Variants in LSAMP observed in about 807,000 individuals in gnomAD.
LSAMP encodes limbic system associated membrane protein.
Under a neutral mutation model 38.6 loss-of-function variants are expected in LSAMP, and 7 were observed. That is an observed-to-expected ratio of 0.18 (90% CI 0.10 to 0.34). The LOEUF (loss-of-function observed/expected upper bound fraction) is 0.34, where lower values mean the gene tolerates loss of function less well. Ranked by LOEUF, LSAMP falls within the 10% of genes least tolerant of loss-of-function variation. The pLI, the probability that LSAMP is intolerant of heterozygous loss-of-function variation, is 1.00. For missense variants in LSAMP, 313 were observed against 420.0 expected, an observed-to-expected ratio of 0.75 and a Z score of 2.23; for synonymous variants, 154 against 166.8, an observed-to-expected ratio of 0.92 and a Z score of 0.59.
At chr3:116,192,791 G>A (rs1198964116) in intron 1 of LSAMP, among the ~76,000 whole-genome samples, 1 of 152,140 alleles carries the variant, frequency 6.6e-6, no homozygotes, top group Non-Finnish European at 1.5e-5. Context: ...AAGCAATTAG[G>A]TTATTGGAAT....
chr3:116,309,829 A>G (rs968547045), intron 1 of LSAMP, among the ~76,000 whole-genome samples: 5 of 152,188 alleles, frequency 3.3e-5, no homozygotes, highest in East Asian at 1.9e-4. Flanking sequence ...GGCCAAAGAC[A>G]TGGACTAGTG....
At chr3:116,258,411 T>G (rs1054600040) in intron 1 of LSAMP, among the ~76,000 whole-genome samples, 12 of 152,160 alleles carry the variant, frequency 7.9e-5, no homozygotes, top group African/African-American at 2.9e-4. Flanking sequence ...AGTTAATAAT[T>G]TCCTCCATTT....
chr3:116,329,503 TTTTG>T (rs796974478), intron 1 of LSAMP, among the ~76,000 whole-genome samples: 24 of 152,252 alleles, frequency 1.6e-4, no homozygotes, highest in African/African-American at 5.3e-4. Flanking sequence ...AACTTTGGAC[TTTTG>T]TTTGTTTGCT....
rs78853959 is a variant in LSAMP, at chr3:116,210,356, C to T, written c.156-123800G>A. Among the ~76,000 whole-genome samples the T allele has an allele frequency of 2.5e-3, 386 of 152,266 alleles. 1 individual carries two copies. The highest frequency in any genetic ancestry group is 8.8e-3 in the African/African-American group (364 of 41,556). On this transcript the variant is annotated intron_variant, in intron 1 of 6. Transcript: ENST00000490035. ...GGCACCATCTAATCAACTGCCAGTG[C>T]GGCTTGAATAAAGCAGTCAGGAGAA... is the stretch of plus-strand genomic sequence containing the variant.
intron 3 of LSAMP, among the ~76,000 whole-genome samples, chr3:115,854,239 C>T (rs2107525315): frequency 6.8e-6 from 1 of 147,012 alleles, no homozygotes; most frequent in Admixed American, 6.9e-5. Context: ...TAGTCTATAG[C>T]ATATAGTTAA....
At chr3:115,942,900 G>T (rs1038568932) in intron 3 of LSAMP, among the ~76,000 whole-genome samples, 3 of 152,146 alleles carry the variant, frequency 2.0e-5, no homozygotes, top group Non-Finnish European at 4.4e-5. Context: ...ACATTCAATT[G>T]TCAACATTAG....
At chr3:116,276,684 GAAAA>G (rs200897808) in intron 1 of LSAMP, among the ~76,000 whole-genome samples, 1 of 106,816 alleles carries the variant, frequency 9.4e-6, no homozygotes, top group Non-Finnish European at 2.1e-5. Flanking sequence ...TAAAAAAAAA[GAAAA>G]AAAAAAAAAG....
rs568088758 is a variant in LSAMP, at chr3:116,291,679, C to T, written c.155+153198G>A. On this transcript the variant is annotated intron_variant, in intron 1 of 6. Coordinates refer to ENST00000490035, the MANE Select transcript of LSAMP (RefSeq NM_002338.5). ...TGAGCTTTGATGGTTTCTTTCTTTC[C>T]TCCCATATGGCCCAGGTGTTTCTGA... is the stretch of plus-strand genomic sequence containing the variant. 4.6e-5 allele frequency among the ~76,000 whole-genome samples: 7 copies of T among 152,266 alleles called. No homozygotes were observed. The South Asian group carries it at 1.5e-3, about 32-fold the overall frequency.
chr3:116,023,685 C>T (rs1000844801), intron 2 of LSAMP, among the ~76,000 whole-genome samples: 12 of 151,522 alleles, frequency 7.9e-5, no homozygotes, highest in South Asian at 4.2e-4. Context: ...CACCACACTA[C>T]AATCAGATAT....
At chr3:116,366,155 G>C (rs1415414462) in intron 1 of LSAMP, among the ~76,000 whole-genome samples, 1 of 150,502 alleles carries the variant, frequency 6.6e-6, no homozygotes, top group African/African-American at 2.4e-5. Context: ...AGTCTATAAG[G>C]AACTTAAACA....
At chr3:116,035,445 A>C (rs1303597467) in intron 2 of LSAMP, among the ~76,000 whole-genome samples, 2 of 152,222 alleles carry the variant, frequency 1.3e-5, no homozygotes, top group East Asian at 3.9e-4. Context: ...CTAATATGAT[A>C]ATAATTTGTC....
intron 1 of LSAMP, among the ~76,000 whole-genome samples, chr3:116,187,971 G>T (rs747971953): frequency 6.6e-6 from 1 of 151,892 alleles, no homozygotes; most frequent in Non-Finnish European, 1.5e-5. Context: ...ATAGGCCCCA[G>T]GATGTTTTGT....
chr3:116,095,163 C>T (rs901892627), intron 1 of LSAMP, among the ~76,000 whole-genome samples: 1 of 152,170 alleles, frequency 6.6e-6, no homozygotes, highest in African/African-American at 2.4e-5. Flanking sequence ...AAATGCTCAA[C>T]TTTTATTAGT....
intron 1 of LSAMP, among the ~76,000 whole-genome samples, chr3:116,119,634 C>T (rs140730842): frequency 8.0e-4 from 120 of 150,828 alleles, no homozygotes; most frequent in African/African-American, 2.8e-3. Context: ...GTTACTAAGG[C>T]TAAAGAGATA....
intron 6 of LSAMP, among the ~76,000 whole-genome samples, chr3:115,820,013 A>C (rs1577033631): frequency 6.8e-6 from 1 of 146,834 alleles, no homozygotes; most frequent in South Asian, 2.1e-4. Flanking sequence ...ATAGTGGGAG[A>C]AATAAACACT....
At chr3:115,982,262 C>T (rs1463201797) in intron 3 of LSAMP, among the ~76,000 whole-genome samples, 1 of 152,098 alleles carries the variant, frequency 6.6e-6, no homozygotes, top group East Asian at 1.9e-4. Flanking sequence ...GAGATATTTA[C>T]AGGCAGAAAG....
intron 1 of LSAMP, among the ~76,000 whole-genome samples, chr3:116,117,901 G>A (rs750153251): frequency 6.6e-6 from 1 of 151,990 alleles, no homozygotes; most frequent in Admixed American, 6.5e-5. Flanking sequence ...GTGAAGTTAC[G>A]ATTGGTATGG....
At chr3:116,091,504 A>G (rs1708123257) in intron 1 of LSAMP, among the ~76,000 whole-genome samples, 1 of 152,212 alleles carries the variant, frequency 6.6e-6, no homozygotes, top group Non-Finnish European at 1.5e-5. Flanking sequence ...ATTTATGTTT[A>G]GAGATTGCAG....
At chr3:116,094,793 T>A (rs184043876) in intron 1 of LSAMP, among the ~76,000 whole-genome samples, 1 of 152,362 alleles carries the variant, frequency 6.6e-6, no homozygotes, top group Non-Finnish European at 1.5e-5. Context: ...TATTTACTAT[T>A]GGAACACAGA....
Sources: gnomAD v4.1 joint callset for allele counts (sites outside exome capture counted in the v4.1 genomes callset) on GRCh38, gnomAD v4.1.1 for gene constraint, MANE v1.5 for transcripts, NCBI Gene and HGNC (gene_info 2026-07-23, HGNC 2026-07-21) for gene names.